ANK3: variants seen among roughly 807,000 people sequenced by gnomAD.
ANK3 encodes ankyrin 3.
Under a neutral mutation model 370.9 loss-of-function variants are expected in ANK3, and 57 were observed. The observed-to-expected ratio is 0.15, with a 90% CI of 0.12 to 0.19. The LOEUF is 0.19. Ranked by LOEUF, ANK3 falls within the 10% of genes least tolerant of loss-of-function variation. ANK3 has a pLI of 1.00. For synonymous variants in ANK3, 1,929 were observed against 1,946.3 expected (o/e 0.99, Z 0.23); for missense variants, 4,439 against 5,302.1 (o/e 0.84, Z 5.06).
At chr10:60,703,928 C>T (rs2079577853) in intron 1 of ANK3, among the ~76,000 whole-genome samples, 1 of 152,226 alleles carries the variant, frequency 6.6e-6, no homozygotes, top group East Asian at 1.9e-4. Flanking sequence ...GACCTTAACA[C>T]CGGCTTTTGA....
At chr10:60,682,424 G>A (rs1041604952) in intron 1 of ANK3, among the ~76,000 whole-genome samples, 1 of 150,882 alleles carries the variant, frequency 6.6e-6, no homozygotes, top group African/African-American at 2.4e-5. Flanking sequence ...TCAGTGTGGT[G>A]TTATGATATA....
chr10:60,146,149 A>T, intron 23 of ANK3: 1 of 1,312,286 alleles, frequency 7.6e-7, no homozygotes, highest in Non-Finnish European at 1.0e-6. Flanking sequence ...TCTGCCATGT[A>T]GATACGAAGA....
chr10:60,291,191 C>A (rs1373158710), intron 1 of ANK3, among the ~76,000 whole-genome samples: 1 of 151,910 alleles, frequency 6.6e-6, no homozygotes, highest in African/African-American at 2.4e-5. Context: ...TGTTCAGCTG[C>A]AAAATAGGAT....
chr10:60,083,613 A>G lies in ANK3; in HGVS notation c.4079T>C (p.Leu1360Pro). Residue 1360 changes from leucine (L) to proline (P), a missense_variant, in exon 33 of 44, where the codon CTG becomes CCG. Leu to Pro is a moderately conservative substitution (Grantham distance 98, BLOSUM62 -3). Around this residue, in one of 13 missense-constraint regions of ANK3, gnomAD observed 702 missense variants for 941.5 expected, o/e 0.75. Transcript: ENST00000280772. ...ATCAACATAAATAGGTTTTCCTTCC[A>G]GAACCTTTTAGAGTAAAAGAAATAA... ...EVARSKDIEV[L>P]EGKPIYVDCY... is the part of the protein sequence containing the mutation. The G allele has an allele frequency of 6.3e-7, 1 of 1,593,630 alleles. No individual in the cohort carries two copies. The highest frequency in any genetic ancestry group is 8.5e-7 in the Non-Finnish European group (1 of 1,171,774).
chr10:60,348,430 C>T (rs192428542), intron 1 of ANK3, among the ~76,000 whole-genome samples: 2 of 148,998 alleles, frequency 1.3e-5, no homozygotes, highest in Admixed American at 1.3e-4. Flanking sequence ...CATTTGAAAA[C>T]CTCCCGGAGA....
At chr10:60,132,741 C>A (rs956016489) in intron 25 of ANK3, among the ~76,000 whole-genome samples, 1 of 151,906 alleles carries the variant, frequency 6.6e-6, no homozygotes, top group Non-Finnish European at 1.5e-5. Flanking sequence ...CTCAGCCTCC[C>A]GAGTAGCTGA....
chr10:60,633,449 T>A (rs2078511666), intron 1 of ANK3, among the ~76,000 whole-genome samples: 1 of 152,174 alleles, frequency 6.6e-6, no homozygotes, highest in African/African-American at 2.4e-5. Flanking sequence ...ATCATATAAG[T>A]TAAAAATAAT....
intron 3 of ANK3, 79 bp downstream of exon 3, chr10:60,278,971 T>A (rs1248293992): frequency 1.3e-6 from 2 of 1,552,918 alleles, no homozygotes; most frequent in Non-Finnish European, 1.8e-6. Context: ...ATGAGATATG[T>A]GCCCCCATTC....
intron 6 of ANK3, 34 bp downstream of exon 6, chr10:60,263,801 G>A (rs199936678): frequency 1.2e-6 from 2 of 1,611,696 alleles, no homozygotes; most frequent in East Asian, 2.2e-5. Flanking sequence ...ACACCGGAGA[G>A]TTGCATGACA....
At chr10:60,362,304 G>A (rs2058734231) in intron 1 of ANK3, among the ~76,000 whole-genome samples, 1 of 152,108 alleles carries the variant, frequency 6.6e-6, no homozygotes, top group Non-Finnish European at 1.5e-5. Flanking sequence ...GTAAATTCCA[G>A]GAAGTATAAA....
chr10:60,411,016 C>T (rs2063549063), intron 2 of ANK3, among the ~76,000 whole-genome samples: 1 of 152,126 alleles, frequency 6.6e-6, no homozygotes. Flanking sequence ...TTTTCTTCTC[C>T]TGGCTTTTGA....
At chr10:60,196,023 T>C in intron 16 of ANK3, 122 bp downstream of exon 16, 1 of 758,230 alleles carries the variant, frequency 1.3e-6, no homozygotes, top group South Asian at 1.8e-5. Context: ...TGCTTCTATT[T>C]CTGTGATTTT....
intron 5 of ANK3, among the ~76,000 whole-genome samples, chr10:60,264,757 G>T (rs1245143213): frequency 5.3e-5 from 8 of 152,042 alleles, no homozygotes; most frequent in African/African-American, 1.9e-4. Context: ...TGTCTGTCTG[G>T]TTCATTACTG....
chr10:60,696,913 C>T (rs2079464499), intron 1 of ANK3, among the ~76,000 whole-genome samples: 1 of 143,980 alleles, frequency 6.9e-6, no homozygotes, highest in Non-Finnish European at 1.5e-5. Context: ...GGCAATCAGG[C>T]AGGAGAAGGA....
Position 60,071,061 on chromosome 10 carries a change from G to T in ANK3, c.9820C>A (p.Leu3274Ile), listed in dbSNP as rs768809700. 1 of 1,614,178 alleles carries T rather than the reference G, an allele frequency of 6.2e-7. No homozygotes were observed. The highest frequency in any genetic ancestry group is 8.5e-7 in the Non-Finnish European group (1 of 1,180,010). The change falls in exon 37 of 44, where the codon CTC (leucine) becomes ATC (isoleucine). Residue 3274 changes from leucine (L) to isoleucine (I), a missense_variant. Around this residue, in one of 13 missense-constraint regions of ANK3, gnomAD observed 1,601 missense variants for 1,731.7 expected, o/e 0.92. Transcript: ENST00000280772. ...ATCATGTCAACCTCTTTTTCTGGGA[G>T]ATAATGATGCTTCTTATCTGACTCA... ...QIESDKKHHY[L>I]PEKEVDMIEV... is the part of the protein sequence containing the mutation.
intron 25 of ANK3, among the ~76,000 whole-genome samples, chr10:60,128,384 C>CTT (rs56104024): frequency 1.9e-4 from 28 of 146,128 alleles, no homozygotes; most frequent in African/African-American, 6.1e-4. Flanking sequence ...CATTTTTTTT[C>CTT]TTTTTTTTTT....
intron 1 of ANK3, among the ~76,000 whole-genome samples, chr10:60,675,702 G>T (rs2079115837): frequency 6.6e-6 from 1 of 152,202 alleles, no homozygotes; most frequent in African/African-American, 2.4e-5. Flanking sequence ...CAGAGCCAGA[G>T]TTCATAAAAT....
Position 60,070,421 on chromosome 10 carries a change from G to A in ANK3, c.10460C>T (p.Ser3487Phe), listed in dbSNP as rs761113318. 1.9e-6 allele frequency: 3 copies of A among 1,613,984 alleles called. No homozygotes were observed. The highest frequency in any genetic ancestry group is 1.3e-5 in the African/African-American group (1 of 74,916). The change falls in exon 37 of 44, where the codon TCT (serine) becomes TTT (phenylalanine). Residue 3487 changes from serine to phenylalanine, a missense_variant. By Grantham distance (155) the Ser-to-Phe change is radical. This residue lies in a region of ANK3 where 1,601 missense variants were observed against 1,731.7 expected (regional missense o/e 0.92). Coordinates refer to ENST00000280772, the MANE Select transcript of ANK3 (RefSeq NM_020987.5). The surrounding 1 kb of genome is among the most constrained non-coding windows in gnomAD (Gnocchi z 5.7). ...EDKPPSKSSS[S>F]EKTPDKTDQK... ...ATCAGTCTTATCAGGAGTCTTTTCA[G>A]ATGAAGAACTTTTAGAAGGTGGCTT...
At chr10:60,078,280 C>T (rs1564847023) in intron 36 of ANK3, among the ~76,000 whole-genome samples, 1 of 152,150 alleles carries the variant, frequency 6.6e-6, no homozygotes, top group Non-Finnish European at 1.5e-5. Flanking sequence ...ATATCCTTTC[C>T]TAGGCTTACA....
Sources: allele counts gnomAD v4.1 joint callset (sites outside exome capture counted in the v4.1 genomes callset), GRCh38; gene constraint gnomAD v4.1.1; regional missense constraint gnomAD v4.1.1; non-coding constraint Gnocchi (gnomAD v3.1); transcripts MANE v1.5; gene names NCBI Gene and HGNC (gene_info 2026-07-23, HGNC 2026-07-21).